Variants in ZNF385D observed in about 807,000 individuals in gnomAD.
ZNF385D encodes zinc finger protein 659.
ZNF385D carries 15 observed loss-of-function variants against 35.8 expected under a neutral mutation model. That is an observed-to-expected ratio of 0.42 (90% CI 0.28 to 0.64). The LOEUF is 0.64. Ranked by LOEUF, ZNF385D falls within the 30% of genes least tolerant of loss-of-function variation. The pLI, the probability that ZNF385D is intolerant of heterozygous loss-of-function variation, is 0.23. For missense variants in ZNF385D, 474 were observed against 494.6 expected (o/e 0.96, Z 0.39); for synonymous variants, 212 against 186.8 (o/e 1.13, Z -1.10).
intron 4 of ZNF385D, among the ~76,000 whole-genome samples, chr3:21,479,615 A>G (rs1425076526): frequency 1.3e-5 from 2 of 152,164 alleles, no homozygotes; most frequent in Admixed American, 6.6e-5. Context: ...CCAATCTCCT[A>G]TCAGTGTTCA....
intron 2 of ZNF385D, among the ~76,000 whole-genome samples, chr3:21,612,430 G>T (rs75599749): frequency 0.027 from 4,103 of 152,040 alleles, 192 homozygotes; most frequent in African/African-American, 0.094. Context: ...CTCAGATAAA[G>T]AAACTAAAAA....
At chr3:21,895,628 AC>A (rs570111666) in intron 3 of ZNF385D, among the ~76,000 whole-genome samples, 156 of 151,658 alleles carry the variant, frequency 1.0e-3, no homozygotes, top group Non-Finnish European at 2.0e-3. Context: ...GGTATGAGCC[AC>A]CATGCCTGGC....
At chr3:22,074,990 G>A (rs1700396200) in intron 3 of ZNF385D, among the ~76,000 whole-genome samples, 1 of 151,816 alleles carries the variant, frequency 6.6e-6, no homozygotes. Flanking sequence ...TAAAGTTTGA[G>A]AATCATATTT....
chr3:21,879,555 T>C (rs1237636670), intron 3 of ZNF385D, among the ~76,000 whole-genome samples: 1 of 152,004 alleles, frequency 6.6e-6, no homozygotes, highest in African/African-American at 2.4e-5. Flanking sequence ...GCTATTAAGA[T>C]GAATTTATTA....
At chr3:22,255,790 G>GTTT (rs5847170) in intron 2 of ZNF385D, among the ~76,000 whole-genome samples, 6 of 145,702 alleles carry the variant, frequency 4.1e-5, no homozygotes, top group Non-Finnish European at 6.0e-5. Flanking sequence ...CCTTAACTCA[G>GTTT]TTTTTTTTTT....
intron 2 of ZNF385D, among the ~76,000 whole-genome samples, chr3:21,640,343 T>C (rs62237385): frequency 0.15 from 23,160 of 152,098 alleles, 2,181 homozygotes; most frequent in Middle Eastern, 0.24. Flanking sequence ...AACCATGTTC[T>C]TAAGGTCTAT....
At chr3:22,253,142 T>C (rs920144324) in intron 2 of ZNF385D, among the ~76,000 whole-genome samples, 2 of 151,890 alleles carry the variant, frequency 1.3e-5, no homozygotes, top group Non-Finnish European at 2.9e-5. Context: ...GTGGTGACAA[T>C]AACTGAGATA....
At position 22,235,453 on chromosome 3, in the gene ZNF385D, T is replaced by C. The variant is rs369879201; in HGVS notation, c.107-66418A>G. On this transcript the variant is annotated intron_variant, in intron 2 of 5. Coordinates refer to the ZNF385D transcript ENST00000494108. ...CACTCAGAGGGCACAAAATGAAAGATCAATAGAACTAAAATATTAGAATCT... is the reference window on the plus strand; with the variant it reads ...CACTCAGAGGGCACAAAATGAAAGACCAATAGAACTAAAATATTAGAATCT... 7.9e-5 allele frequency among the ~76,000 whole-genome samples: 12 copies of C among 152,134 alleles called. No individual in the cohort carries two copies. In the East Asian group the frequency reaches 1.9e-3, roughly 24 times the overall value.
At chr3:21,456,695 C>A (rs1269781651) in intron 4 of ZNF385D, among the ~76,000 whole-genome samples, 4 of 151,988 alleles carry the variant, frequency 2.6e-5, no homozygotes, top group Non-Finnish European at 5.9e-5. Flanking sequence ...TGTAACAAAC[C>A]TGCATGTTGT....
chr3:21,982,479 T>C (rs1187160676), intron 3 of ZNF385D, among the ~76,000 whole-genome samples: 3 of 152,146 alleles, frequency 2.0e-5, no homozygotes, highest in African/African-American at 7.2e-5. Flanking sequence ...GGAGGAGCTT[T>C]TGGGCTGAGA....
intron 3 of ZNF385D, chr3:21,979,722 C>A (rs1247843938): frequency 6.6e-6 from 1 of 152,102 alleles, no homozygotes; most frequent in African/African-American, 2.4e-5. Flanking sequence ...AGAATGAGGT[C>A]TTTGCAGAAA....
intron 3 of ZNF385D, among the ~76,000 whole-genome samples, chr3:21,814,480 T>G (rs9823735): frequency 0.14 from 21,500 of 152,004 alleles, 1,837 homozygotes; most frequent in African/African-American, 0.23. Flanking sequence ...AATAAAGGGA[T>G]GGAGGAAGAT....
In ZNF385D at chr3:21,987,869, T is replaced by G. The variant is rs1405925691; in HGVS notation, c.325+180948A>C. 2.9e-5 allele frequency among the ~76,000 whole-genome samples: 4 copies of G among 138,588 alleles called. No homozygotes were observed. The East Asian group carries it at 8.4e-4, about 29-fold the overall frequency. 90.9% of individuals were successfully genotyped at this position (138,588 alleles called of 152,430 possible). A position where few individuals can be genotyped will look rare whatever the true frequency, so the allele number is the denominator to read the frequency against. On this transcript the variant is annotated intron_variant, in intron 3 of 5. Transcript: ENST00000494108. The stretch of plus-strand genomic sequence containing the variant: ...ACTTCTTGGAGGCTTTGCTCATTTC[T>G]TTTTATTCTTTTTTCTCTAAACTTC...
At chr3:21,819,179 G>A (rs1297746567) in intron 3 of ZNF385D, among the ~76,000 whole-genome samples, 3 of 151,272 alleles carry the variant, frequency 2.0e-5, no homozygotes, top group Non-Finnish European at 4.4e-5. Flanking sequence ...AAGAAAGAAG[G>A]CAAAAATAGA....
At chr3:21,656,557 T>A in intron 2 of ZNF385D, among the ~76,000 whole-genome samples, 1 of 152,098 alleles carries the variant, frequency 6.6e-6, no homozygotes, top group Non-Finnish European at 1.5e-5. Context: ...TCATCTGAAC[T>A]AATTACATCT....
At chr3:21,575,248 A>G (rs2063462510) in intron 2 of ZNF385D, among the ~76,000 whole-genome samples, 1 of 152,220 alleles carries the variant, frequency 6.6e-6, no homozygotes, top group Admixed American at 6.5e-5. Context: ...CAGTCACCCA[A>G]GACCAAGACC....
chr3:21,642,134 G>A (rs1307564494), intron 2 of ZNF385D, among the ~76,000 whole-genome samples: 1 of 152,064 alleles, frequency 6.6e-6, no homozygotes, highest in Non-Finnish European at 1.5e-5. Context: ...GCCTTAACCA[G>A]TGTTTTGCGC....
intron 3 of ZNF385D, among the ~76,000 whole-genome samples, chr3:22,123,368 C>T (rs1527633): frequency 0.63 from 96,135 of 151,870 alleles, 31,201 homozygotes; most frequent in African/African-American, 0.79. Context: ...TATATATTTA[C>T]GGGATATTTT....
At position 22,008,413 on chromosome 3, in the gene ZNF385D, C is replaced by T. The variant is rs1050767617; in HGVS notation, c.325+160404G>A. On this transcript the variant is annotated intron_variant, in intron 3 of 5. Coordinates refer to the ZNF385D transcript ENST00000494108. ...TGTTGCCCAGGTTGGAGTGCAGTGG[C>T]CCGATCTCGGCTCACTGCAGGCTCC... 2.9e-5 allele frequency among the ~76,000 whole-genome samples: 4 copies of T among 135,910 alleles called. No individual in the cohort carries two copies. The Admixed American group carries it at 3.1e-4, about 10-fold the overall frequency. 89.2% of individuals were successfully genotyped at this position (135,910 alleles called of 152,430 possible).
Sources: allele counts gnomAD v4.1 joint callset (sites outside exome capture counted in the v4.1 genomes callset), GRCh38; gene constraint gnomAD v4.1.1; transcripts MANE v1.5; gene names NCBI Gene and HGNC (gene_info 2026-07-23, HGNC 2026-07-21).